Variants in RANBP17 observed in about 807,000 individuals in gnomAD.
The protein encoded by RANBP17 is RAN binding protein 17.
A neutral mutation model predicts 141.2 loss-of-function variants in RANBP17; 158 were observed. That is an observed-to-expected ratio of 1.12 (90% CI 0.98 to 1.28). The LOEUF (loss-of-function observed/expected upper bound fraction) is 1.28. Ranked by LOEUF, RANBP17 falls within the 50% of genes most tolerant of loss-of-function variation. The pLI is 0.00. For missense variants in RANBP17, 1,438 were observed against 1,290.7 expected, an observed-to-expected ratio of 1.11 and a Z score of -1.75; for synonymous variants, 430 against 450.0, an observed-to-expected ratio of 0.96 and a Z score of 0.56.
chr5:171,011,306 A>G (rs916655378), intron 14 of RANBP17, among the ~76,000 whole-genome samples: 30 of 152,090 alleles, frequency 2.0e-4, no homozygotes, highest in African/African-American at 6.8e-4. Flanking sequence ...TATCCAATTT[A>G]TTATCAGAAA....
chr5:171,200,143 T>TA (rs1300689564), intron 19 of RANBP17, among the ~76,000 whole-genome samples: 7 of 152,182 alleles, frequency 4.6e-5, no homozygotes, highest in Admixed American at 3.9e-4. Context: ...AACATACACA[T>TA]ACTAAAACAC....
intron 14 of RANBP17, among the ~76,000 whole-genome samples, chr5:171,137,618 GTGTGTGTC>G (rs1381074373): frequency 1.5e-3 from 216 of 148,854 alleles, no homozygotes; most frequent in African/African-American, 4.9e-3. Context: ...GTGTGTGTGT[GTGTGTGTC>G]TGTGTGTGTG....
chr5:171,084,067 C>G (rs1372818903), intron 14 of RANBP17, among the ~76,000 whole-genome samples: 1 of 148,694 alleles, frequency 6.7e-6, no homozygotes, highest in Non-Finnish European at 1.5e-5. Flanking sequence ...CCCACTAACT[C>G]GTCATCTAGC....
chr5:171,226,505 T>G (rs763505009), intron 22 of RANBP17, among the ~76,000 whole-genome samples: 95 of 152,220 alleles, frequency 6.2e-4, no homozygotes, highest in Admixed American at 8.5e-4. Context: ...CAGTGTATGC[T>G]CTGGGTGTAT....
At chr5:171,137,608 G>GTGTGTGTGTC (rs1554103833) in intron 14 of RANBP17, among the ~76,000 whole-genome samples, 4 of 143,728 alleles carry the variant, frequency 2.8e-5, no homozygotes, top group African/African-American at 7.9e-5. Flanking sequence ...GTGTGTGTCT[G>GTGTGTGTGTC]TGTGTGTGTG....
chr5:170,916,973 C>T (rs1445024695), intron 9 of RANBP17, among the ~76,000 whole-genome samples: 1 of 152,146 alleles, frequency 6.6e-6, no homozygotes, highest in African/African-American at 2.4e-5. Flanking sequence ...GCCTCGGCCT[C>T]CCAAAGTGCT....
intron 18 of RANBP17, among the ~76,000 whole-genome samples, chr5:171,185,314 G>A (rs1761161769): frequency 6.6e-6 from 1 of 152,220 alleles, no homozygotes; most frequent in East Asian, 1.9e-4. Context: ...CAAAGGTTGA[G>A]GTGGCTGTGG....
Position 171,299,367 on chromosome 5 carries a change from A to G in RANBP17, c.*509A>G. 4.3e-6 allele frequency: 1 copy of G among 233,116 alleles called. No homozygotes were observed. Among genetic ancestry groups the G allele is most frequent in the Non-Finnish European group, 8.5e-6 (1 of 117,738 alleles). 14.4% of individuals were successfully genotyped at this position (233,116 alleles called of 1,614,324 possible). On this transcript the variant is annotated 3_prime_UTR_variant, in exon 28 of 28. Coordinates refer to ENST00000523189, the MANE Select transcript of RANBP17 (RefSeq NM_022897.5). Reference sequence around the variant, plus strand: ...TTTAGAACGAGCCTGGAAGCACTACAGAGCATCCCACAGGACCACACGCAG... The same window carrying G: ...TTTAGAACGAGCCTGGAAGCACTACGGAGCATCCCACAGGACCACACGCAG...
rs371504732 is a variant in RANBP17 at position 171,185,247 on chromosome 5, T to G, written c.2038+1817T>G. 1.3e-3 allele frequency among the ~76,000 whole-genome samples: 192 copies of G among 152,360 alleles called. 9 individuals carry two copies. In the South Asian group the frequency reaches 0.038, roughly 30 times the overall value. The stretch of plus-strand genomic sequence containing the variant: ...AGCTTTCAGTGTGTTGTAATCTTTT[T>G]CCTGGTGGAAGGTCTGGCCTCGATA... On this transcript the variant is annotated intron_variant, in intron 18 of 27. Transcript: ENST00000523189.
At chr5:170,964,758 T>G (rs1188271162) in intron 13 of RANBP17, among the ~76,000 whole-genome samples, 1 of 152,246 alleles carries the variant, frequency 6.6e-6, no homozygotes, top group Non-Finnish European at 1.5e-5. Flanking sequence ...TAGTATACCA[T>G]GGTGTATATG....
intron 1 of RANBP17, among the ~76,000 whole-genome samples, chr5:170,876,437 A>G (rs1404328172): frequency 6.6e-6 from 1 of 152,114 alleles, no homozygotes; most frequent in Non-Finnish European, 1.5e-5. Context: ...CGTATTCATG[A>G]ACTATAAAGA....
At chr5:171,161,768 T>A (rs1480953353) in intron 14 of RANBP17, among the ~76,000 whole-genome samples, 3 of 152,230 alleles carry the variant, frequency 2.0e-5, no homozygotes, top group Non-Finnish European at 4.4e-5. Context: ...TTATAATCAG[T>A]TATTAATACT....
At position 171,115,850 on chromosome 5, in the gene RANBP17, T is replaced by C. The variant is rs145093160; in HGVS notation, c.1711-54280T>C. On this transcript the variant is annotated intron_variant, in intron 14 of 27. Transcript: ENST00000523189. Reference sequence around the variant, plus strand: ...TTTACTACTAAAAGTTTTATTCTAATGAAGTATGAACTTGGTATTACCTAA... The same window carrying C: ...TTTACTACTAAAAGTTTTATTCTAACGAAGTATGAACTTGGTATTACCTAA... Among the ~76,000 whole-genome samples, 478 of 152,354 alleles carry C rather than the reference T, an allele frequency of 3.1e-3. 3 individuals carry two copies. The highest frequency in any genetic ancestry group is 0.011 in the African/African-American group (453 of 41,582).
Position 171,141,504 on chromosome 5 carries a change from G to A in RANBP17, c.1711-28626G>A, listed in dbSNP as rs186139277. Among the ~76,000 whole-genome samples, 363 of 151,290 alleles carry A rather than the reference G, an allele frequency of 2.4e-3. 2 individuals carry two copies. The highest frequency in any genetic ancestry group is 9.6e-3 in the South Asian group (46 of 4,770). On this transcript the variant is annotated intron_variant, in intron 14 of 27. Coordinates refer to ENST00000523189, the MANE Select transcript of RANBP17 (RefSeq NM_022897.5). ...CACCTGTAGCGCCAGCTTCTGGGGA[G>A]GCGGAGGGAGGAGAATGGCGTGAAC...
intron 14 of RANBP17, among the ~76,000 whole-genome samples, chr5:171,091,516 G>C (rs1786275932): frequency 6.6e-6 from 1 of 152,142 alleles, no homozygotes; most frequent in East Asian, 1.9e-4. Context: ...TAAGACTTTG[G>C]GGGACTGTTG....
At chr5:171,111,998 G>A (rs1162702396) in intron 14 of RANBP17, among the ~76,000 whole-genome samples, 1 of 152,050 alleles carries the variant, frequency 6.6e-6, no homozygotes, top group East Asian at 1.9e-4. Flanking sequence ...CAGGTGATGG[G>A]TAATGTTTTT....
intron 1 of RANBP17, among the ~76,000 whole-genome samples, chr5:170,873,185 A>G (rs1561843704): frequency 1.3e-5 from 2 of 152,230 alleles, no homozygotes; most frequent in Non-Finnish European, 2.9e-5. Flanking sequence ...GGCTGGGATT[A>G]CAGGCGTGAG....
chr5:171,188,905 T>C (rs1186211848), intron 18 of RANBP17, among the ~76,000 whole-genome samples: 2 of 152,226 alleles, frequency 1.3e-5, no homozygotes, highest in East Asian at 1.9e-4. Flanking sequence ...AAATTTGCTC[T>C]TATTTAGTAT....
At chr5:171,024,052 A>T (rs2127607380) in intron 14 of RANBP17, among the ~76,000 whole-genome samples, 1 of 152,334 alleles carries the variant, frequency 6.6e-6, no homozygotes, top group African/African-American at 2.4e-5. Context: ...ATCCACTAGG[A>T]ACGACATTCC....
Sources: allele counts gnomAD v4.1 joint callset (sites outside exome capture counted in the v4.1 genomes callset), GRCh38; gene constraint gnomAD v4.1.1; transcripts MANE v1.5; gene names NCBI Gene and HGNC (gene_info 2026-07-23, HGNC 2026-07-21).